The following TEX9 variants were observed in gnomAD, a reference collection of about 807,000 sequenced individuals.
The protein encoded by TEX9 is testis expressed 9.
Under a neutral mutation model 59.6 loss-of-function variants are expected in TEX9, and 74 were observed. The ratio of observed to expected loss-of-function variants is 1.24; its 90% CI spans 1.03 to 1.51. The LOEUF (loss-of-function observed/expected upper bound fraction) is 1.51, where lower values mean the gene tolerates loss of function less well. TEX9 is among the 40% of genes most tolerant of loss of function. The pLI is 0.00. For missense variants in TEX9, 522 were observed against 447.8 expected (o/e 1.17, Z -1.49); for synonymous variants, 186 against 152.2 (o/e 1.22, Z -1.64).
chr15:56,307,348 G>A (rs2045507801), intron 1 of TEX9, among the ~76,000 whole-genome samples: 1 of 152,124 alleles, frequency 6.6e-6, no homozygotes, highest in Admixed American at 6.5e-5. Context: ...CTTTACTGCA[G>A]CTCCTCTCCC....
chr15:56,354,609 T>C (rs1456897571), intron 1 of TEX9, among the ~76,000 whole-genome samples: 1 of 152,206 alleles, frequency 6.6e-6, no homozygotes, highest in African/African-American at 2.4e-5. Context: ...TTCCCTTCTA[T>C]CACATTTCAA....
chr15:56,286,932 C>T (rs2044967389), intron 1 of TEX9, among the ~76,000 whole-genome samples: 1 of 152,036 alleles, frequency 6.6e-6, no homozygotes, highest in Admixed American at 6.6e-5. Context: ...GCAGATGAGA[C>T]AATTATTTCT....
intron 3 of TEX9, among the ~76,000 whole-genome samples, chr15:56,383,592 T>G (rs895966511): frequency 6.6e-6 from 1 of 152,262 alleles, no homozygotes; most frequent in Non-Finnish European, 1.5e-5. Context: ...CAAATTTTTC[T>G]ACCCATTTAG....
intron 12 of TEX9, among the ~76,000 whole-genome samples, chr15:56,445,416 T>C (rs2050890139): frequency 6.6e-6 from 1 of 152,026 alleles, no homozygotes; most frequent in Non-Finnish European, 1.5e-5. Context: ...ACTTTTATGA[T>C]CACATCCCGA....
intron 4 of TEX9, 53 bp from the exon 5 acceptor site, chr15:56,388,419 C>T (rs2048056218): frequency 9.7e-6 from 13 of 1,336,636 alleles, no homozygotes; most frequent in Non-Finnish European, 1.4e-5. Flanking sequence ...ATTTCATTGT[C>T]TCAGCTCAGT....
the TEX9 span, among the ~76,000 whole-genome samples, chr15:56,455,380 A>G: frequency 1.5e-4 from 23 of 152,192 alleles, no homozygotes; most frequent in South Asian, 1.2e-3. Context: ...AAGGATCGGT[A>G]ATCTCTTAGA....
At chr15:56,398,818 G>A (rs2048614533) in intron 9 of TEX9, among the ~76,000 whole-genome samples, 1 of 152,054 alleles carries the variant, frequency 6.6e-6, no homozygotes, top group Non-Finnish European at 1.5e-5. Context: ...CCATATGCCA[G>A]ACAAAATGCA....
intron 9 of TEX9, chr15:56,396,324 G>A (rs2048466145): frequency 6.6e-6 from 1 of 152,026 alleles, no homozygotes; most frequent in South Asian, 2.1e-4. Context: ...TTTATATGCA[G>A]TAAATTCACA....
intron 1 of TEX9, among the ~76,000 whole-genome samples, chr15:56,320,292 C>G (rs946797929): frequency 5.0e-4 from 76 of 152,250 alleles, no homozygotes; most frequent in African/African-American, 1.8e-3. Flanking sequence ...CTCCAGCTGC[C>G]ATAATAAAAT....
intron 7 of TEX9, among the ~76,000 whole-genome samples, chr15:56,392,342 CAG>C (rs1480096271): frequency 6.6e-6 from 1 of 152,100 alleles, no homozygotes; most frequent in Non-Finnish European, 1.5e-5. Flanking sequence ...GGAAGGCAAA[CAG>C]GGAGTGAGGC....
upstream of TEX9, among the ~76,000 whole-genome samples, chr15:56,361,499 G>C (rs1192849186): frequency 6.6e-6 from 1 of 151,956 alleles, no homozygotes; most frequent in African/African-American, 2.4e-5. Context: ...TATTTTGTGG[G>C]TGTCCAGCTG....
intron 9 of TEX9, among the ~76,000 whole-genome samples, chr15:56,400,686 G>C (rs2142446905): frequency 6.6e-6 from 1 of 152,258 alleles, no homozygotes; most frequent in South Asian, 2.1e-4. Flanking sequence ...ATAACTGTCA[G>C]ATTCACCAAG....
chr15:56,249,741 T>TAA (rs2043967513), intron 1 of TEX9, among the ~76,000 whole-genome samples: 1 of 32,092 alleles, frequency 3.1e-5, no homozygotes, highest in African/African-American at 1.2e-4. Context: ...AGGATCTGTC[T>TAA]CAAAAAAAAA....
chr15:56,298,182 C>A (rs547278981), intron 1 of TEX9, among the ~76,000 whole-genome samples: 16 of 152,100 alleles, frequency 1.1e-4, no homozygotes, highest in Non-Finnish European at 2.1e-4. Flanking sequence ...TGAGACAGTA[C>A]CACCCTGTTT....
chr15:56,372,308 T>A (rs2047224869), intron 2 of TEX9, among the ~76,000 whole-genome samples: 1 of 152,200 alleles, frequency 6.6e-6, no homozygotes, highest in South Asian at 2.1e-4. Flanking sequence ...GATATGGTAC[T>A]AATCTCCCCC....
chr15:56,345,033 A>C (rs2046441963), intron 1 of TEX9, among the ~76,000 whole-genome samples: 1 of 114,406 alleles, frequency 8.7e-6, no homozygotes, highest in South Asian at 2.8e-4. Flanking sequence ...CTATCTATCT[A>C]TCTGGATATA....
At chr15:56,245,364 CG>C (rs1168701118) in intron 1 of TEX9, among the ~76,000 whole-genome samples, 1 of 152,204 alleles carries the variant, frequency 6.6e-6, no homozygotes, top group East Asian at 1.9e-4. Context: ...CCCCCGCCCC[CG>C]GGGCCTCTTG....
At chr15:56,291,653 T>C (rs947742315) in intron 1 of TEX9, among the ~76,000 whole-genome samples, 4 of 152,194 alleles carry the variant, frequency 2.6e-5, no homozygotes, top group Non-Finnish European at 4.4e-5. Context: ...CTTATATCTC[T>C]TGTCTAACTG....
At chr15:56,308,222 C>G (rs2045527135) in intron 1 of TEX9, among the ~76,000 whole-genome samples, 1 of 152,166 alleles carries the variant, frequency 6.6e-6, no homozygotes, top group Non-Finnish European at 1.5e-5. Context: ...TCTTCACATC[C>G]TTGCCAATAC....
Sources: gnomAD v4.1 joint callset for allele counts (sites outside exome capture counted in the v4.1 genomes callset) on GRCh38, gnomAD v4.1.1 for gene constraint, MANE v1.5 for transcripts, NCBI Gene and HGNC (gene_info 2026-07-23, HGNC 2026-07-21) for gene names.